Variants in CELSR1 observed in about 807,000 individuals in gnomAD.
CELSR1 encodes the protein adhesion G protein-coupled receptor C1.
Under a neutral mutation model 249.1 loss-of-function variants are expected in CELSR1, and 110 were observed. That is an observed-to-expected ratio of 0.44 (90% CI 0.38 to 0.52). The LOEUF (loss-of-function observed/expected upper bound fraction) is 0.52. CELSR1 is among the 20% of genes least tolerant of loss of function. CELSR1 has a pLI of 0.00. For missense variants in CELSR1, 4,109 were observed against 4,296.4 expected (o/e 0.96, Z 1.22); for synonymous variants, 2,113 against 1,900.0 (o/e 1.11, Z -2.92).
At position 46,391,366 on chromosome 22, in the gene CELSR1, C is replaced by T. The variant is rs189276966; in HGVS notation, c.6149-79G>A. 5.6e-5 allele frequency: 72 copies of T among 1,281,216 alleles called. No individual in the cohort carries two copies. In the Admixed American group the frequency reaches 7.0e-4, roughly 12 times the overall value. 79.4% of individuals were successfully genotyped at this position (1,281,216 alleles called of 1,614,324 possible). Reference sequence around the variant, plus strand: ...ACAAACAGGCACCACTGTCTGCATGCGCCTCCCTGCAGGAGGCCCTGCTCC... The same window carrying T: ...ACAAACAGGCACCACTGTCTGCATGTGCCTCCCTGCAGGAGGCCCTGCTCC... On this transcript the variant is annotated intron_variant, in intron 15 of 34. Transcript: ENST00000674500. This position sits in a 1 kb window ranked among gnomAD's most constrained non-coding sequence, Gnocchi z 4.3.
chr22:46,415,757 C>T (rs2079392578), intron 5 of CELSR1, among the ~76,000 whole-genome samples: 1 of 152,198 alleles, frequency 6.6e-6, no homozygotes, highest in African/African-American at 2.4e-5. Flanking sequence ...ATTTGGCCTT[C>T]CTGCCAGGTG....
At chr22:46,394,949 G>A (rs2079131970) in intron 13 of CELSR1, among the ~76,000 whole-genome samples, 2 of 152,200 alleles carry the variant, frequency 1.3e-5, no homozygotes, top group Non-Finnish European at 2.9e-5. Context: ...TCCTGACAGG[G>A]CTGCACCTGC....
At chr22:46,405,910 G>A (rs2079261193) in intron 9 of CELSR1, among the ~76,000 whole-genome samples, 1 of 152,136 alleles carries the variant, frequency 6.6e-6, no homozygotes, top group African/African-American at 2.4e-5. Flanking sequence ...CGGCCTCTGC[G>A]AGCTGCCCTG....
At position 46,363,580 on chromosome 22, in the gene CELSR1, A is replaced by G; in HGVS notation, c.9036-333T>C. The G allele has an allele frequency of 2.8e-6, 1 of 358,114 alleles. No homozygotes were observed. The highest frequency in any genetic ancestry group is 5.5e-5 in the East Asian group (1 of 18,340). 22.2% of individuals were successfully genotyped at this position (358,114 alleles called of 1,614,324 possible). A position where few individuals can be genotyped will look rare whatever the true frequency, so the allele number is the denominator to read the frequency against. ...GTGAGTTTGGAGGGAGGGAGGGGCG[A>G]CAGGGAGAGGTCTGGGGCCAGGACC... On this transcript the variant is annotated intron_variant, in intron 34 of 34. Coordinates refer to ENST00000674500, the MANE Select transcript of CELSR1 (RefSeq NM_001378328.1). This position sits in a 1 kb window ranked among gnomAD's most constrained non-coding sequence, Gnocchi z 4.3.
At chr22:46,439,001 A>G (rs1227409777) in intron 3 of CELSR1, among the ~76,000 whole-genome samples, 188 bp downstream of exon 3, 1 of 151,734 alleles carries the variant, frequency 6.6e-6, no homozygotes, top group African/African-American at 2.4e-5. Context: ...CAGGTGATCC[A>G]CCCGCCTCGG....
At chr22:46,522,399 C>G (rs2080695363) in intron 1 of CELSR1, among the ~76,000 whole-genome samples, 1 of 152,142 alleles carries the variant, frequency 6.6e-6, no homozygotes, top group South Asian at 2.1e-4. Context: ...GCTGGAGCCC[C>G]CACGCCTGCG....
At chr22:46,529,751 C>T (rs1049386648) in intron 1 of CELSR1, among the ~76,000 whole-genome samples, 1 of 150,694 alleles carries the variant, frequency 6.6e-6, no homozygotes, top group African/African-American at 2.4e-5. Context: ...TGCAGTGAGC[C>T]GAGATCATGT....
rs1467642063 is a variant in CELSR1 at position 46,389,452 on chromosome 22, G to A, written c.6393C>T (p.Ala2131=). ...TGCGCAGCGCCCTCACCAGCTGCAG[G>A]GCCCTGGCGCCGTCCACCTGCGTCT... The part of the protein sequence containing the change: ...RNETQVDGAR[A]LQLVRALRSA... The change falls in exon 18 of 35, where the codon GCC becomes GCT. Residue 2131 remains alanine, a synonymous_variant. Coordinates refer to ENST00000674500, the MANE Select transcript of CELSR1 (RefSeq NM_001378328.1). The A allele has an allele frequency of 6.2e-7, 1 of 1,613,198 alleles. No homozygotes were observed. The highest frequency in any genetic ancestry group is 8.5e-7 in the Non-Finnish European group (1 of 1,180,024).
intron 1 of CELSR1, among the ~76,000 whole-genome samples, chr22:46,465,020 A>C (rs1056869693): frequency 6.6e-6 from 1 of 152,218 alleles, no homozygotes; most frequent in African/African-American, 2.4e-5. Context: ...AGCCAGCAGT[A>C]AACACATCAT....
rs1310669139 is a variant in CELSR1, at chr22:46,401,833, C to A, written c.5227-1931G>T. 6.6e-6 allele frequency among the ~76,000 whole-genome samples: 1 copy of A among 152,094 alleles called. No individual in the cohort carries two copies. The highest frequency in any genetic ancestry group is 1.5e-5 in the Non-Finnish European group (1 of 68,022). On this transcript the variant is annotated intron_variant, in intron 9 of 34. Transcript: ENST00000674500. The surrounding 1 kb of genome is among the most constrained non-coding windows in gnomAD (Gnocchi z 4.7). ...CACCTCAGTCTGTGACTGCATTAAACTCTGTGACTTTGGGAGACCAAGGCG... is the reference window on the plus strand; with the variant it reads ...CACCTCAGTCTGTGACTGCATTAAAATCTGTGACTTTGGGAGACCAAGGCG...
rs111608642 is a variant in CELSR1 at position 46,380,552 on chromosome 22, C to G, written c.7256+236G>C. On this transcript the variant is annotated intron_variant, in intron 22 of 34. Transcript: ENST00000674500. The surrounding 1 kb of genome is among the most constrained non-coding windows in gnomAD (Gnocchi z 5.1). ...TGAGGGATCTCTCTGTGCGCCTGCA[C>G]ATCTGTATCTCCACGTGCAGGTCTG... 2.6e-3 allele frequency among the ~76,000 whole-genome samples: 391 copies of G among 152,342 alleles called. 1 individual carries two copies. The highest frequency in any genetic ancestry group is 8.9e-3 in the African/African-American group (368 of 41,574).
At chr22:46,487,057 C>CG (rs1452451858) in intron 1 of CELSR1, among the ~76,000 whole-genome samples, 2 of 150,666 alleles carry the variant, frequency 1.3e-5, no homozygotes, top group Non-Finnish European at 3.0e-5. Flanking sequence ...CTCCCACTCC[C>CG]ACTCCCACTT....
intron 32 of CELSR1, 76 bp from the exon 33 acceptor site, chr22:46,364,812 T>C: frequency 7.1e-7 from 1 of 1,401,986 alleles, no homozygotes; most frequent in South Asian, 1.3e-5. Flanking sequence ...ATGGGTCTGG[T>C]GGCTCTGACC....
chr22:46,460,178 AACACACACACACACACACACAC>A (rs544352270), intron 2 of CELSR1, among the ~76,000 whole-genome samples: 1 of 102,944 alleles, frequency 9.7e-6, no homozygotes, highest in African/African-American at 3.7e-5. Flanking sequence ...TCAGTCTCAA[AACACACACACACACACACACAC>A]ACACACACAC....
At position 46,408,165 on chromosome 22, in the gene CELSR1, G is replaced by A. The variant is rs1002507134; in HGVS notation, c.5226+831C>T. ...TCGAATCACCTTCTAAAAGCTGTTC[G>A]GAATTTTTATCCAACAAATAAACTT... On this transcript the variant is annotated intron_variant, in intron 9 of 34. Coordinates refer to ENST00000674500, the MANE Select transcript of CELSR1 (RefSeq NM_001378328.1). The surrounding 1 kb of genome is among the most constrained non-coding windows in gnomAD (Gnocchi z 4.6). 1.2e-4 allele frequency among the ~76,000 whole-genome samples: 19 copies of A among 152,170 alleles called. No individual in the cohort carries two copies. Among genetic ancestry groups the A allele is most frequent in the South Asian group, 2.1e-4 (1 of 4,832 alleles).
intron 20 of CELSR1, among the ~76,000 whole-genome samples, 196 bp from the exon 21 acceptor site, chr22:46,382,246 T>A (rs551744645): frequency 6.6e-6 from 1 of 152,318 alleles, no homozygotes; most frequent in African/African-American, 2.4e-5. Context: ...CCCAAGGAAC[T>A]GAAGGCGGGG....
intron 20 of CELSR1, among the ~76,000 whole-genome samples, chr22:46,383,298 T>C (rs8140057): frequency 6.6e-6 from 1 of 152,224 alleles, no homozygotes; most frequent in East Asian, 1.9e-4. Flanking sequence ...AAACTGTCCA[T>C]TACAGAGTTT....
At chr22:46,525,701 C>T (rs141706405) in intron 1 of CELSR1, among the ~76,000 whole-genome samples, 170 of 152,362 alleles carry the variant, frequency 1.1e-3, no homozygotes, top group African/African-American at 3.8e-3. Context: ...GGATGAGCCC[C>T]GTGGCACCGG....
intron 5 of CELSR1, among the ~76,000 whole-genome samples, chr22:46,418,674 A>T (rs1486949008): frequency 6.6e-6 from 1 of 152,124 alleles, no homozygotes; most frequent in Non-Finnish European, 1.5e-5. Context: ...CTGGCCCGCC[A>T]TTTCCTCCAT....
Sources: allele counts gnomAD v4.1 joint callset (sites outside exome capture counted in the v4.1 genomes callset), GRCh38; gene constraint gnomAD v4.1.1; non-coding constraint Gnocchi (gnomAD v3.1); transcripts MANE v1.5; gene names NCBI Gene and HGNC (gene_info 2026-07-23, HGNC 2026-07-21).